Variants in RAP1A observed in about 807,000 individuals in gnomAD.
RAP1A encodes ras-related protein Rap-1A.
Under a neutral mutation model 26.4 loss-of-function variants are expected in RAP1A, and 6 were observed. The observed-to-expected ratio is 0.23, with a 90% CI of 0.12 to 0.45. RAP1A has a LOEUF of 0.45. Ranked by LOEUF, RAP1A falls within the 20% of genes least tolerant of loss-of-function variation. The pLI, the probability that RAP1A is intolerant of heterozygous loss-of-function variation, is 0.99. For missense variants in RAP1A, 121 were observed against 217.2 expected, an observed-to-expected ratio of 0.56 and a Z score of 2.78; for synonymous variants, 73 against 79.4, an observed-to-expected ratio of 0.92 and a Z score of 0.43.
At chr1:111,684,691 A>G (rs1478229755) in intron 1 of RAP1A, among the ~76,000 whole-genome samples, 1 of 151,946 alleles carries the variant, frequency 6.6e-6, no homozygotes, top group Non-Finnish European at 1.5e-5. Flanking sequence ...CAATATCGTG[A>G]AAATGGTCAT....
chr1:111,601,534 C>T lies in RAP1A; in HGVS notation c.-28+59025C>T, dbSNP rs116117122. On this transcript the variant is annotated intron_variant, in intron 1 of 7. Transcript: ENST00000356415. ...TGGTGCTTTCTGTGGCTGAAGGTTG[C>T]TATTACTCTAGAAATGGAAAATGAG... 7.7e-3 allele frequency among the ~76,000 whole-genome samples: 1,179 copies of T among 152,298 alleles called. 17 individuals carry two copies. The highest frequency in any genetic ancestry group is 0.027 in the African/African-American group (1,138 of 41,568).
chr1:111,650,093 C>CTTTTTTTTTTTTTTTTTTTTTTTT (rs57681662), intron 1 of RAP1A, among the ~76,000 whole-genome samples: 2 of 75,850 alleles, frequency 2.6e-5, no homozygotes, highest in Admixed American at 1.6e-4. Flanking sequence ...TGGTAGAGTG[C>CTTTTTTTTTTTTTTTTTTTTTTTT]TTTTTTTTTT....
chr1:111,705,266 C>T (rs772059148), intron 6 of RAP1A, among the ~76,000 whole-genome samples: 4 of 152,156 alleles, frequency 2.6e-5, no homozygotes, highest in African/African-American at 4.8e-5. Flanking sequence ...TCTTTCCTGC[C>T]GTTGCTTTTG....
At chr1:111,560,849 C>G (rs1347368386) in intron 1 of RAP1A, among the ~76,000 whole-genome samples, 2 of 152,156 alleles carry the variant, frequency 1.3e-5, no homozygotes, top group African/African-American at 4.8e-5. Flanking sequence ...GCCAATTTCT[C>G]TCCATCCTCC....
At chr1:111,545,963 A>G (rs1196537310) in intron 1 of RAP1A, among the ~76,000 whole-genome samples, 1 of 152,156 alleles carries the variant, frequency 6.6e-6, no homozygotes, top group Non-Finnish European at 1.5e-5. Flanking sequence ...CTTTCGGTTT[A>G]ATTCAGTTAG....
chr1:111,578,635 T>G (rs1658191372), intron 1 of RAP1A, among the ~76,000 whole-genome samples: 1 of 152,182 alleles, frequency 6.6e-6, no homozygotes, highest in Admixed American at 6.5e-5. Flanking sequence ...TGCTCCCTAT[T>G]TACTCAATAC....
At chr1:111,691,253 C>G (rs1661656701) in intron 1 of RAP1A, 81 bp from the exon 2 acceptor site, 1 of 929,966 alleles carries the variant, frequency 1.1e-6, no homozygotes, top group Admixed American at 3.1e-5. Flanking sequence ...ACAAAACAAA[C>G]TCCTATGTTT....
chr1:111,625,207 GT>G (rs1282133584), intron 1 of RAP1A, among the ~76,000 whole-genome samples: 1 of 152,170 alleles, frequency 6.6e-6, no homozygotes, highest in African/African-American at 2.4e-5. Flanking sequence ...CCTATAACAT[GT>G]TACTCCTTCA....
intron 4 of RAP1A, among the ~76,000 whole-genome samples, chr1:111,702,468 T>C (rs546047398): frequency 1.1e-4 from 16 of 152,196 alleles, no homozygotes; most frequent in Admixed American, 1.3e-4. Flanking sequence ...TGTTAACCAT[T>C]AGTAAATTTA....
intron 1 of RAP1A, among the ~76,000 whole-genome samples, chr1:111,573,494 C>T (rs1658089227): frequency 1.3e-5 from 2 of 152,268 alleles, no homozygotes; most frequent in African/African-American, 2.4e-5. Flanking sequence ...GCCACAATGC[C>T]TGGCTAATTT....
At position 111,710,667 on chromosome 1, in the gene RAP1A, G is replaced by T. The variant is rs537586911; in HGVS notation, c.*29+1403G>T. On this transcript the variant is annotated intron_variant, in intron 7 of 7. Coordinates refer to ENST00000369709, the MANE Select transcript of RAP1A (RefSeq NM_002884.4). ...TAGAGATATGAATCTCTCTATTAAG[G>T]GAAACACCTGAGTAATTGTAGTTCC... Among the ~76,000 whole-genome samples the T allele has an allele frequency of 5.3e-5, 8 of 152,156 alleles. No individual in the cohort carries two copies. In the South Asian group the frequency reaches 1.7e-3, roughly 32 times the overall value.
chr1:111,678,196 C>T (rs552462644), intron 1 of RAP1A, among the ~76,000 whole-genome samples: 1 of 152,264 alleles, frequency 6.6e-6, no homozygotes, highest in East Asian at 1.9e-4. Flanking sequence ...TGCATTGAAT[C>T]TGCAGATCAA....
chr1:111,652,370 C>G (rs1047824443), intron 1 of RAP1A, among the ~76,000 whole-genome samples: 12 of 152,188 alleles, frequency 7.9e-5, no homozygotes, highest in African/African-American at 2.2e-4. Flanking sequence ...TTGACGTTGA[C>G]AGCAAAGGCA....
chr1:111,684,480 A>C (rs961766880), intron 1 of RAP1A, among the ~76,000 whole-genome samples: 25 of 152,200 alleles, frequency 1.6e-4, no homozygotes, highest in African/African-American at 6.0e-4. Flanking sequence ...AAAAATCACA[A>C]ACATTCCTAT....
chr1:111,703,599 G>A (rs1280367543), intron 5 of RAP1A, 123 bp downstream of exon 5: 1 of 931,392 alleles, frequency 1.1e-6, no homozygotes, highest in Non-Finnish European at 1.5e-6. Flanking sequence ...AAGAGCCCCT[G>A]TGACCAAAAG....
chr1:111,648,879 G>T, intron 1 of RAP1A: 1 of 792,090 alleles, frequency 1.3e-6, no homozygotes, highest in Non-Finnish European at 2.2e-6. Flanking sequence ...TGCCTCCATG[G>T]TCAACCCAGA....
At chr1:111,709,387 A>T in intron 7 of RAP1A, 123 bp downstream of exon 7, 1 of 1,141,548 alleles carries the variant, frequency 8.8e-7, no homozygotes, top group East Asian at 2.9e-5. Context: ...TGTAAATGTG[A>T]TATATAACTT....
At chr1:111,543,595 G>A (rs1406037020) in intron 1 of RAP1A, among the ~76,000 whole-genome samples, 1 of 147,920 alleles carries the variant, frequency 6.8e-6, no homozygotes, top group Non-Finnish European at 1.5e-5. Context: ...TAGGCCCTCT[G>A]TCTTAAGGAG....
At chr1:111,618,986 G>A (rs77446670), upstream of RAP1A, among the ~76,000 whole-genome samples, 2,626 of 152,238 alleles carry the variant, frequency 0.017, 74 homozygotes, top group African/African-American at 0.06. Context: ...AATCAGATGC[G>A]GTCATTCCTC....
Sources: gnomAD v4.1 joint callset for allele counts (sites outside exome capture counted in the v4.1 genomes callset) on GRCh38, gnomAD v4.1.1 for gene constraint, MANE v1.5 for transcripts, NCBI Gene and HGNC (gene_info 2026-07-23, HGNC 2026-07-21) for gene names.